SLC15A4: variants seen among roughly 807,000 people sequenced by gnomAD.
SLC15A4 encodes hPHT1.
A neutral mutation model predicts 46.1 loss-of-function variants in SLC15A4; 26 were observed. That is an observed-to-expected ratio of 0.56 (90% CI 0.41 to 0.78). SLC15A4 has a LOEUF of 0.78. SLC15A4 is among the 30% of genes least tolerant of loss of function. The pLI is 0.00. For synonymous variants in SLC15A4, 370 were observed against 333.4 expected (o/e 1.11, Z -1.20); for missense variants, 751 against 755.7 (o/e 0.99, Z 0.07).
chr12:128,809,906 A>G (rs1955635559), intron 3 of SLC15A4, 37 bp downstream of exon 3: 1 of 1,594,610 alleles, frequency 6.3e-7, no homozygotes, highest in Non-Finnish European at 8.5e-7. Context: ...ACTTCATAGG[A>G]AGATAAAGGA....
At chr12:128,805,374 C>T (rs11059921) in intron 5 of SLC15A4, among the ~76,000 whole-genome samples, 87,040 of 151,904 alleles carry the variant, frequency 0.57, 25,548 homozygotes, top group Non-Finnish European at 0.65. Context: ...CAAAGAATGA[C>T]CATTTGAAAA....
intron 1 of SLC15A4, among the ~76,000 whole-genome samples, chr12:128,822,511 C>T (rs577088103): frequency 5.9e-4 from 90 of 152,286 alleles, no homozygotes; most frequent in African/African-American, 2.1e-3. Flanking sequence ...CTTACAGGGC[C>T]TGAACATAGA....
At chr12:128,823,285 C>T (rs1955875873) in intron 1 of SLC15A4, 113 bp downstream of exon 1, 2 of 1,076,796 alleles carry the variant, frequency 1.9e-6, no homozygotes, top group Non-Finnish European at 2.5e-6. Context: ...CAGAAGCCCC[C>T]CGGGGCAAGG....
chr12:128,804,567 T>C (rs11059918), intron 5 of SLC15A4, among the ~76,000 whole-genome samples: 65,073 of 151,912 alleles, frequency 0.43, 14,338 homozygotes, highest in African/African-American at 0.55. Context: ...CCGTCTCTAC[T>C]AAAAATACAA....
chr12:128,806,164 T>TAAAA (rs1593008295), intron 5 of SLC15A4, among the ~76,000 whole-genome samples: 1 of 15,490 alleles, frequency 6.5e-5, no homozygotes, highest in Non-Finnish European at 1.9e-4. Context: ...AGACTCTGTC[T>TAAAA]CAAAAAAAAA....
chr12:128,810,853 G>A (rs1955648491), intron 2 of SLC15A4, among the ~76,000 whole-genome samples: 1 of 152,158 alleles, frequency 6.6e-6, no homozygotes, highest in Non-Finnish European at 1.5e-5. Context: ...AAGATGCCGG[G>A]GCACAGAGAG....
At chr12:128,807,699 G>T (rs1267873512) in intron 5 of SLC15A4, among the ~76,000 whole-genome samples, 1 of 152,228 alleles carries the variant, frequency 6.6e-6, no homozygotes, top group Non-Finnish European at 1.5e-5. Context: ...CTCTGCCCAT[G>T]CTTATTTCCC....
At chr12:128,798,998 G>A (rs1955481501) in intron 7 of SLC15A4, among the ~76,000 whole-genome samples, 1 of 152,178 alleles carries the variant, frequency 6.6e-6, no homozygotes, top group South Asian at 2.1e-4. Flanking sequence ...GGCTGCAGCA[G>A]CTGCTCGCTG....
intron 2 of SLC15A4, chr12:128,814,543 C>A: frequency 2.0e-6 from 1 of 504,384 alleles, no homozygotes; most frequent in Non-Finnish European, 3.5e-6. Flanking sequence ...GAAAGTGCAA[C>A]GTGGGGTTAA....
At chr12:128,818,464 C>T (rs1157110948) in intron 1 of SLC15A4, among the ~76,000 whole-genome samples, 2 of 152,202 alleles carry the variant, frequency 1.3e-5, no homozygotes, top group Admixed American at 6.5e-5. Flanking sequence ...AATTAACCCT[C>T]GCCTGGGGCA....
chr12:128,808,956 G>T lies in SLC15A4; in HGVS notation c.1090C>A (p.Leu364Ile). Residue 364 changes from leucine to isoleucine, a missense_variant and splice_region_variant, in exon 5 of 8, where the codon CTC becomes ATC. Transcript: ENST00000266771. ...AACATGGTCAGCCAGGCTGCAGGGAGCTGGGGTGAAACACAGGAGGAGGCG... is the reference window on the plus strand; with the variant it reads ...AACATGGTCAGCCAGGCTGCAGGGATCTGGGGTGAAACACAGGAGGAGGCG... ...ISNITTTPHT[L>I]PAAWLTMFDA... 1 of 1,612,552 alleles carries T rather than the reference G, an allele frequency of 6.2e-7. No individual in the cohort carries two copies. The highest frequency in any genetic ancestry group is 8.5e-7 in the Non-Finnish European group (1 of 1,179,044).
rs763116370 is a variant in SLC15A4, at chr12:128,810,857, CAG to C, written c.843-748_843-747del. 1.3e-4 allele frequency among the ~76,000 whole-genome samples: 20 copies of C among 152,300 alleles called. No homozygotes were observed. In the South Asian group the frequency reaches 1.5e-3, roughly 11 times the overall value. The stretch of plus-strand genomic sequence containing the variant: ...TTGCACAGAGGAAGATGCCGGGGCA[CAG>C]AGAGTGTGAAGGGTGCCTGAGGTAT... On this transcript the variant is annotated intron_variant, in intron 2 of 7. Transcript: ENST00000266771.
In SLC15A4 at chr12:128,814,868, T is replaced by C. The variant is rs955593396; in HGVS notation, c.749A>G (p.Lys250Arg). The change falls in exon 2 of 8, where the codon AAG becomes AGG. Residue 250 changes from lysine (K) to arginine (R), a missense_variant. Coordinates refer to ENST00000266771, the MANE Select transcript of SLC15A4 (RefSeq NM_145648.4). Reference protein sequence around the residue: ...FLCGQSVFITKPPDGSAFTDM... With the variant: ...FLCGQSVFITRPPDGSAFTDM... ...GGTGAAGGCACTGCCATCAGGAGGC[T>C]TGGTGATGAAAACGCTCTGGCCACA... The C allele has an allele frequency of 6.2e-7, 1 of 1,614,048 alleles. No homozygotes were observed. Among genetic ancestry groups the C allele is most frequent in the African/African-American group, 1.3e-5 (1 of 74,908 alleles).
Position 128,823,491 on chromosome 12 carries a change from G to C in SLC15A4, c.453C>G (p.Arg151=). ...CCGCGAAGGTGGCCGGTGAGCAGCA[G>C]CGGGCGGCGGCGTCGGGACCAGGCG... ...CTAPGPDAAA[R]CCSPATFAGL... is the part of the protein sequence containing the mutation. Residue 151 remains arginine (R), a synonymous_variant, in exon 1 of 8, where the codon CGC becomes CGG. Coordinates refer to ENST00000266771, the MANE Select transcript of SLC15A4 (RefSeq NM_145648.4). The C allele has an allele frequency of 1.3e-6, 2 of 1,484,902 alleles. No individual in the cohort carries two copies. Among genetic ancestry groups the C allele is most frequent in the Non-Finnish European group, 1.8e-6 (2 of 1,124,706 alleles). 92.0% of individuals were successfully genotyped at this position (1,484,902 alleles called of 1,614,324 possible). A position where few individuals can be genotyped will look rare whatever the true frequency, so the allele number is the denominator to read the frequency against.
intron 3 of SLC15A4, 110 bp downstream of exon 3, chr12:128,809,833 T>TG (rs1311450491): frequency 1.8e-6 from 2 of 1,133,230 alleles, no homozygotes; most frequent in African/African-American, 3.2e-5. Context: ...TGTAGACTCA[T>TG]GGGAAAAAAA....
intron 7 of SLC15A4, among the ~76,000 whole-genome samples, chr12:128,797,888 CA>C (rs1221623227): frequency 2.0e-5 from 3 of 152,180 alleles, no homozygotes; most frequent in African/African-American, 7.2e-5. Flanking sequence ...GCCATGCAGC[CA>C]GGGGGCACAG....
chr12:128,816,463 C>G (rs1232406488), intron 1 of SLC15A4, among the ~76,000 whole-genome samples: 1 of 152,288 alleles, frequency 6.6e-6, no homozygotes, highest in East Asian at 1.9e-4. Context: ...AATTCTTATT[C>G]TAATAATAGA....
intron 1 of SLC15A4, among the ~76,000 whole-genome samples, chr12:128,822,281 C>T (rs1776217912): frequency 6.6e-6 from 1 of 152,224 alleles, no homozygotes; most frequent in South Asian, 2.1e-4. Flanking sequence ...TTGATTCAAA[C>T]TCATTTTCAT....
chr12:128,807,730 G>A (rs774448937), intron 5 of SLC15A4, among the ~76,000 whole-genome samples: 5 of 152,260 alleles, frequency 3.3e-5, no homozygotes, highest in Non-Finnish European at 5.9e-5. Flanking sequence ...AGCTCTGGAA[G>A]AGAAGCTGAA....
Sources: allele counts gnomAD v4.1 joint callset (sites outside exome capture counted in the v4.1 genomes callset), GRCh38; gene constraint gnomAD v4.1.1; transcripts MANE v1.5; gene names NCBI Gene and HGNC (gene_info 2026-07-23, HGNC 2026-07-21).